Variants in CLCN6 observed in about 807,000 individuals in gnomAD.
CLCN6 encodes Cl-/H+ antiporter 6.
In CLCN6, 70 loss-of-function variants were observed where a neutral mutation model predicts 109.8. The observed-to-expected ratio is 0.64, with a 90% CI of 0.53 to 0.78. The LOEUF is 0.78. CLCN6 is among the 30% of genes least tolerant of loss of function. CLCN6 has a pLI of 0.00. For synonymous variants in CLCN6, 444 were observed against 447.8 expected (o/e 0.99, Z 0.11); for missense variants, 984 against 1,142.3 (o/e 0.86, Z 2.00).
Position 11,834,618 on chromosome 1 carries a change from A to T in CLCN6, c.1793+28A>T. On this transcript the variant is annotated intron_variant, in intron 17 of 22. Transcript: ENST00000346436. The surrounding 1 kb of genome is among the most constrained non-coding windows in gnomAD (Gnocchi z 4.5). ...AAGGCCATGATTTTGCTCATGTCCT[A>T]GTTTCAGAATGTATAAGCTCTGAGG... is the stretch of plus-strand genomic sequence containing the variant. 1 of 1,574,934 alleles carries T rather than the reference A, an allele frequency of 6.3e-7. No homozygotes were observed. The highest frequency in any genetic ancestry group is 8.7e-7 in the Non-Finnish European group (1 of 1,144,876).
At chr1:11,839,116 T>C (rs1644988380) in intron 22 of CLCN6, 1 of 586,870 alleles carries the variant, frequency 1.7e-6, no homozygotes, top group African/African-American at 1.9e-5. Context: ...ACAAATATTT[T>C]CTTATTACAC....
intron 3 of CLCN6, 126 bp from the exon 4 acceptor site, chr1:11,816,489 A>G: frequency 1.2e-6 from 1 of 852,678 alleles, no homozygotes; most frequent in Non-Finnish European, 1.9e-6. Context: ...CTGAAATCCC[A>G]ACATCATCTT....
Position 11,834,379 on chromosome 1 carries a change from T to A in CLCN6, c.1670T>A (p.Ile557Asn). 1 of 1,614,044 alleles carries A rather than the reference T, an allele frequency of 6.2e-7. No homozygotes were observed. Among genetic ancestry groups the A allele is most frequent in the Non-Finnish European group, 8.5e-7 (1 of 1,179,978 alleles). Residue 557 changes from isoleucine to asparagine, a missense_variant, in exon 16 of 23, where the codon ATC becomes AAC. Coordinates refer to ENST00000346436, the MANE Select transcript of CLCN6 (RefSeq NM_001286.5). This position sits in a 1 kb window ranked among gnomAD's most constrained non-coding sequence, Gnocchi z 4.5. ...STNEITYGLP[I>N]MVTLMVAKWT... ...AATGAGATCACCTACGGGCTCCCCA[T>A]CATGGTCACACTGATGGTGAGCACA...
intron 13 of CLCN6, among the ~76,000 whole-genome samples, chr1:11,830,447 A>G (rs1321620862): frequency 1.3e-5 from 2 of 152,222 alleles, no homozygotes. Context: ...AATTATTTAC[A>G]TAGCATTTAC....
intron 22 of CLCN6, 93 bp downstream of exon 22, chr1:11,838,753 G>T: frequency 6.3e-7 from 1 of 1,575,122 alleles, no homozygotes; most frequent in East Asian, 2.2e-5. Flanking sequence ...AGAAACGTAG[G>T]CATCCCACCA....
At chr1:11,835,781 G>A (rs946614150) in intron 17 of CLCN6, among the ~76,000 whole-genome samples, 186 bp from the exon 18 acceptor site, 5 of 152,176 alleles carry the variant, frequency 3.3e-5, no homozygotes, top group Non-Finnish European at 5.9e-5. Context: ...TTCCAGGTGC[G>A]GGAACAGCAT....
rs749318511 is a variant in CLCN6 at position 11,824,463 on chromosome 1, C to G, written c.581-23C>G. 4.4e-6 allele frequency: 7 copies of G among 1,607,434 alleles called. No homozygotes were observed. The Admixed American group carries it at 1.0e-4, about 23-fold the overall frequency. On this transcript the variant is annotated intron_variant, in intron 7 of 22. Transcript: ENST00000346436. The stretch of plus-strand genomic sequence containing the variant: ...GGGCGTTTCTGCACTGACTGTTGGT[C>G]TTTCCTTTTTCACCCTGCCCAGGGC...
chr1:11,832,481 G>A (rs1377689412), intron 13 of CLCN6, among the ~76,000 whole-genome samples: 6 of 152,204 alleles, frequency 3.9e-5, no homozygotes, highest in African/African-American at 9.6e-5. Context: ...CTCATCCCCC[G>A]TGCACTCCAC....
intron 2 of CLCN6, among the ~76,000 whole-genome samples, chr1:11,810,256 A>G (rs1644581212): frequency 6.6e-6 from 1 of 152,208 alleles, no homozygotes. Context: ...AAATGTTAGA[A>G]TCCCATTTTG....
intron 13 of CLCN6, among the ~76,000 whole-genome samples, chr1:11,832,868 C>A (rs1455705085): frequency 6.6e-6 from 1 of 152,166 alleles, no homozygotes; most frequent in African/African-American, 2.4e-5. Context: ...AAAATGAGGT[C>A]TAAAATGTGT....
At chr1:11,833,292 G>C (rs1187289958) in intron 13 of CLCN6, among the ~76,000 whole-genome samples, 1 of 152,168 alleles carries the variant, frequency 6.6e-6, no homozygotes, top group African/African-American at 2.4e-5. Context: ...CATCATGAGT[G>C]TGGATGAACA....
chr1:11,809,817 A>G (rs909319416), intron 2 of CLCN6, among the ~76,000 whole-genome samples: 2 of 152,182 alleles, frequency 1.3e-5, no homozygotes, highest in Non-Finnish European at 2.9e-5. Context: ...ATATTTCTCA[A>G]CCATCTTCAA....
rs201487375 is a variant in CLCN6, at chr1:11,840,112, G to T, written c.2530-31G>T. On this transcript the variant is annotated intron_variant, in intron 22 of 22. Transcript: ENST00000346436. ...TGTTCTCGCCAGCGGGTTTTACCCT[G>T]AAGGTGACTCAGGCCTTCTCTTTGC... The T allele has an allele frequency of 1.7e-4, 266 of 1,597,202 alleles. No individual in the cohort carries two copies. The African/African-American group carries it at 2.5e-3, about 15-fold the overall frequency.
chr1:11,832,049 G>C (rs914476840), intron 13 of CLCN6, among the ~76,000 whole-genome samples: 1 of 152,170 alleles, frequency 6.6e-6, no homozygotes, highest in Non-Finnish European at 1.5e-5. Context: ...TTGTGTACCA[G>C]ATATTCCACT....
At chr1:11,816,187 T>C (rs1644669478) in intron 3 of CLCN6, among the ~76,000 whole-genome samples, 1 of 152,254 alleles carries the variant, frequency 6.6e-6, no homozygotes, top group Non-Finnish European at 1.5e-5. Flanking sequence ...AAAGTATTTT[T>C]TAATTAAGGT....
At chr1:11,820,694 G>C in intron 5 of CLCN6, 1 of 245,222 alleles carries the variant, frequency 4.1e-6, no homozygotes, top group Non-Finnish European at 8.0e-6. Flanking sequence ...ATGAACCTGG[G>C]AGGCGGAGCT....
rs1032262475 is a variant in CLCN6, at chr1:11,841,467, A to G, written c.*1244A>G. On this transcript the variant is annotated 3_prime_UTR_variant, in exon 23 of 23. Transcript: ENST00000346436. ...CCAGGCTGGCCCGCCCCCTCTGACT[A>G]GGCACCCAAAGTGAGCATCTGGGCA... 2 of 152,262 alleles carry G rather than the reference A, an allele frequency of 1.3e-5. No homozygotes were observed. The highest frequency in any genetic ancestry group is 2.9e-5 in the Non-Finnish European group (2 of 68,066). 9.4% of individuals were successfully genotyped at this position (152,262 alleles called of 1,614,324 possible). A position where few individuals can be genotyped will look rare whatever the true frequency, so the allele number is the denominator to read the frequency against.
chr1:11,834,575 A>AGGTGGAAAT lies in CLCN6; in HGVS notation c.1781_1789dup (p.Val594_Met596dup), dbSNP rs1321933705. On this transcript the variant is annotated inframe_insertion, in exon 17 of 23. Coordinates refer to ENST00000346436, the MANE Select transcript of CLCN6 (RefSeq NM_001286.5). The surrounding 1 kb of genome is among the most constrained non-coding windows in gnomAD (Gnocchi z 4.5). ...GTGCCGCTTCTGGAATGGGAGACAG[A>AGGTGGAAAT]GGTGGAAATGGACAAGTAAGGCCAT... 6.2e-7 allele frequency: 1 copy of AGGTGGAAAT among 1,613,978 alleles called. No homozygotes were observed. The highest frequency in any genetic ancestry group is 1.1e-5 in the South Asian group (1 of 91,080).
At chr1:11,821,295 C>T (rs889642692) in intron 5 of CLCN6, among the ~76,000 whole-genome samples, 40 of 151,396 alleles carry the variant, frequency 2.6e-4, no homozygotes, top group African/African-American at 7.3e-4. Flanking sequence ...CGGTGGCTGA[C>T]GCCTGTAATC....
Sources: allele counts gnomAD v4.1 joint callset (sites outside exome capture counted in the v4.1 genomes callset), GRCh38; gene constraint gnomAD v4.1.1; non-coding constraint Gnocchi (gnomAD v3.1); transcripts MANE v1.5; gene names NCBI Gene and HGNC (gene_info 2026-07-23, HGNC 2026-07-21).